ETV1: variants seen among roughly 807,000 people sequenced by gnomAD.
The protein encoded by ETV1 is ETS variant transcription factor 1.
A neutral mutation model predicts 62.3 loss-of-function variants in ETV1; 27 were observed. That is an observed-to-expected ratio of 0.43 (90% CI 0.32 to 0.60). The LOEUF is 0.60. ETV1 is among the 20% of genes least tolerant of loss of function. ETV1 has a pLI of 0.06. For synonymous variants in ETV1, 222 were observed against 199.6 expected (o/e 1.11, Z -0.94); for missense variants, 605 against 605.8 (o/e 1.00, Z 0.01).
At chr7:13,970,268 AC>A (rs1780753189) in intron 6 of ETV1, among the ~76,000 whole-genome samples, 1 of 8,724 alleles carries the variant, frequency 1.1e-4, no homozygotes, top group African/African-American at 4.9e-4. Context: ...CTCAAAACAC[AC>A]ACACACACAC....
chr7:13,933,402 G>A (rs1203330793), intron 8 of ETV1, among the ~76,000 whole-genome samples: 1 of 152,154 alleles, frequency 6.6e-6, no homozygotes, highest in African/African-American at 2.4e-5. Flanking sequence ...AACAGATAAG[G>A]AGAACATGCT....
At chr7:13,963,159 G>C (rs1333964051) in intron 6 of ETV1, among the ~76,000 whole-genome samples, 2 of 152,042 alleles carry the variant, frequency 1.3e-5, no homozygotes, top group Non-Finnish European at 2.9e-5. Flanking sequence ...ATGTGAAAAT[G>C]GCCTATGAAA....
At chr7:13,922,076 T>C (rs1295816354) in intron 9 of ETV1, among the ~76,000 whole-genome samples, 1 of 152,194 alleles carries the variant, frequency 6.6e-6, no homozygotes. Context: ...ATTATAAATT[T>C]ATAATTATTA....
chr7:13,971,222 C>T (rs1275135604), intron 6 of ETV1, among the ~76,000 whole-genome samples: 6 of 152,294 alleles, frequency 3.9e-5, no homozygotes, highest in East Asian at 3.9e-4. Context: ...CCGCCTGCCT[C>T]GGCCTCCCAA....
In ETV1 at chr7:13,942,140, C is replaced by T. The variant is rs370321417; in HGVS notation, c.236-2894G>A. Among the ~76,000 whole-genome samples, 417 of 150,906 alleles carry T rather than the reference C, an allele frequency of 2.8e-3. 10 individuals carry two copies. In the East Asian group the frequency reaches 0.057, roughly 21 times the overall value. On this transcript the variant is annotated intron_variant, in intron 6 of 13. Transcript: ENST00000430479. Reference sequence around the variant, plus strand: ...CCGGGTTCACGCCATTCTCCTGCCTCAGCCTCCCGAGTAGCTGGGACTACA... The same window carrying T: ...CCGGGTTCACGCCATTCTCCTGCCTTAGCCTCCCGAGTAGCTGGGACTACA...
chr7:13,939,039 C>A, intron 7 of ETV1, 78 bp downstream of exon 7: 1 of 1,390,380 alleles, frequency 7.2e-7, no homozygotes, highest in Non-Finnish European at 9.9e-7. Flanking sequence ...TAAAATATGA[C>A]TTGAGATTTC....
In ETV1 at chr7:13,892,414, C is replaced by T. The variant is rs148669908; in HGVS notation, c.*3452G>A. 2.7e-4 allele frequency: 63 copies of T among 232,700 alleles called. No individual in the cohort carries two copies. Among genetic ancestry groups the T allele is most frequent in the African/African-American group, 1.3e-3 (58 of 45,380 alleles). 14.4% of individuals were successfully genotyped at this position (232,700 alleles called of 1,614,324 possible). A position where few individuals can be genotyped will look rare whatever the true frequency, so the allele number is the denominator to read the frequency against. On this transcript the variant is annotated 3_prime_UTR_variant, in exon 14 of 14. Coordinates refer to ENST00000430479, the MANE Select transcript of ETV1 (RefSeq NM_004956.5). ...TTTATGCAGAATAAGGGGAAAATAT[C>T]TCAGTGGTAAATAAAAGCAAACTCT...
chr7:13,939,322 T>C (rs1271389411), intron 6 of ETV1, 76 bp from the exon 7 acceptor site: 5 of 1,303,258 alleles, frequency 3.8e-6, no homozygotes, highest in Non-Finnish European at 5.2e-6. Flanking sequence ...TCTACTTCTC[T>C]TGTTAAAAAG....
At chr7:13,967,354 A>G (rs1482886525) in intron 6 of ETV1, among the ~76,000 whole-genome samples, 3 of 152,236 alleles carry the variant, frequency 2.0e-5, no homozygotes. Context: ...AACCAAAAAA[A>G]CTTCTTTGCT....
At chr7:13,931,787 A>G (rs570486447) in intron 8 of ETV1, 38 bp from the exon 9 acceptor site, 2 of 1,603,794 alleles carry the variant, frequency 1.2e-6, no homozygotes, top group Non-Finnish European at 1.7e-6. Context: ...TGAAACGGTA[A>G]CATGGAACAT....
chr7:13,921,786 G>C (rs1583638915), intron 9 of ETV1, among the ~76,000 whole-genome samples: 1 of 152,216 alleles, frequency 6.6e-6, no homozygotes, highest in South Asian at 2.1e-4. Context: ...GGTGGGAGAT[G>C]AACCCACCAT....
intron 6 of ETV1, among the ~76,000 whole-genome samples, chr7:13,969,934 C>T (rs1430736850): frequency 6.6e-6 from 1 of 151,976 alleles, no homozygotes; most frequent in Non-Finnish European, 1.5e-5. Flanking sequence ...GCACTTTTTC[C>T]TACTCTGTAC....
At chr7:13,956,156 A>G (rs1789427106) in intron 6 of ETV1, among the ~76,000 whole-genome samples, 1 of 152,212 alleles carries the variant, frequency 6.6e-6, no homozygotes, top group Non-Finnish European at 1.5e-5. Flanking sequence ...ATATAAAATC[A>G]AGTATTATAC....
At chr7:13,955,302 T>A (rs578054554) in intron 6 of ETV1, among the ~76,000 whole-genome samples, 2 of 152,340 alleles carry the variant, frequency 1.3e-5, no homozygotes, top group African/African-American at 4.8e-5. Context: ...TTCATTTAAC[T>A]GTATGAGATT....
chr7:13,914,817 T>G (rs1308063096), intron 9 of ETV1, among the ~76,000 whole-genome samples: 3 of 152,184 alleles, frequency 2.0e-5, no homozygotes, highest in Admixed American at 6.5e-5. Context: ...ATGGAGGCTC[T>G]CCTTTAGGGC....
chr7:13,891,471 A>C lies in ETV1; in HGVS notation c.*4395T>G. ...TGAATCCATAAACAATAGCCACGGT[A>C]TATACACTTGTAACTGAAAATTCTG... On this transcript the variant is annotated 3_prime_UTR_variant, in exon 14 of 14. Coordinates refer to ENST00000430479, the MANE Select transcript of ETV1 (RefSeq NM_004956.5). 1 of 231,830 alleles carries C rather than the reference A, an allele frequency of 4.3e-6. No individual in the cohort carries two copies. 14.4% of individuals were successfully genotyped at this position (231,830 alleles called of 1,614,324 possible).
chr7:13,958,415 T>C lies in ETV1; in HGVS notation c.235+19012A>G, dbSNP rs567757731. Among the ~76,000 whole-genome samples the C allele has an allele frequency of 6.4e-4, 97 of 152,298 alleles. 1 individual carries two copies. In the South Asian group the frequency reaches 0.019, roughly 29 times the overall value. ...CAAACACTGCTACCATTCTCTCTGA[T>C]GGACAGAGCAATTAATACCTGGTCT... is the stretch of plus-strand genomic sequence containing the variant. On this transcript the variant is annotated intron_variant, in intron 6 of 13. Transcript: ENST00000430479.
chr7:13,907,914 G>T (rs1197576985), intron 11 of ETV1: 3 of 456,068 alleles, frequency 6.6e-6, no homozygotes, highest in South Asian at 1.6e-5. Context: ...ATGTTGTTTT[G>T]GTCTTAACAT....
At chr7:13,897,714 G>A (rs984393082) in intron 13 of ETV1, among the ~76,000 whole-genome samples, 1 of 152,118 alleles carries the variant, frequency 6.6e-6, no homozygotes, top group African/African-American at 2.4e-5. Flanking sequence ...TCTTAAAGGT[G>A]AAATGATGAA....
Sources: gnomAD v4.1 joint callset for allele counts (sites outside exome capture counted in the v4.1 genomes callset) on GRCh38, gnomAD v4.1.1 for gene constraint, MANE v1.5 for transcripts, NCBI Gene and HGNC (gene_info 2026-07-23, HGNC 2026-07-21) for gene names.